The following UNC5B variants were observed in gnomAD, a reference collection of about 807,000 sequenced individuals.
UNC5B encodes the protein unc-5 netrin receptor B.
In UNC5B, 56 loss-of-function variants were observed where a neutral mutation model predicts 103.7. That is an observed-to-expected ratio of 0.54 (90% confidence interval 0.44 to 0.67). The LOEUF (loss-of-function observed/expected upper bound fraction) is 0.67, where lower values mean the gene tolerates loss of function less well. Ranked by LOEUF, UNC5B falls within the 30% of genes least tolerant of loss-of-function variation. UNC5B has a pLI of 0.00. For synonymous variants in UNC5B, 577 were observed against 542.0 expected, an observed-to-expected ratio of 1.06 and a Z score of -0.90; for missense variants, 1,194 against 1,284.5, an observed-to-expected ratio of 0.93 and a Z score of 1.08.
At chr10:71,215,322 C>A (rs560187035) in intron 1 of UNC5B, among the ~76,000 whole-genome samples, 128 of 152,294 alleles carry the variant, frequency 8.4e-4, no homozygotes, top group African/African-American at 3.0e-3. Context: ...AGCAGACCCT[C>A]CCTCCTATTC....
intron 1 of UNC5B, among the ~76,000 whole-genome samples, chr10:71,216,802 CTT>C (rs140272889): frequency 0.056 from 8,473 of 152,208 alleles, 313 homozygotes; most frequent in Non-Finnish European, 0.076. Flanking sequence ...CTGCCTAAGA[CTT>C]TGGGGATGGG....
In UNC5B at chr10:71,216,969, G is replaced by T. The variant is rs1042403981; in HGVS notation, c.79+3905G>T. On this transcript the variant is annotated intron_variant, in intron 1 of 16. Coordinates refer to ENST00000335350, the MANE Select transcript of UNC5B (RefSeq NM_170744.5). ...TTGGGTGGAAAGGAGACAGTTTGGA[G>T]GCCACTGCCGCCTTCAGGAAAGGGC... Among the ~76,000 whole-genome samples the T allele has an allele frequency of 2.0e-5, 3 of 152,386 alleles. No individual in the cohort carries two copies. In the East Asian group the frequency reaches 5.8e-4, roughly 29 times the overall value.
In UNC5B at chr10:71,291,831, TGCCCTGCTTGTGCGTCA is replaced by T; in HGVS notation, c.1684+14_1684+30del. ...AGCATCCCCGGCACAGGTGAGCCCC[TGCCCTGCTTGTGCGTCA>T]GCCTGGCCTTAGCACCTCCTCTGTG... On this transcript the variant is annotated intron_variant, in intron 10 of 16. Transcript: ENST00000335350. 1 of 1,579,610 alleles carries T rather than the reference TGCCCTGCTTGTGCGTCA, an allele frequency of 6.3e-7. No individual in the cohort carries two copies. The highest frequency in any genetic ancestry group is 1.1e-5 in the South Asian group (1 of 87,092).
chr10:71,266,991 G>C (rs1844538332), intron 1 of UNC5B, among the ~76,000 whole-genome samples: 2 of 151,970 alleles, frequency 1.3e-5, no homozygotes, highest in South Asian at 4.1e-4. Flanking sequence ...CTCAGTGGCT[G>C]TCTCCATTAT....
Position 71,213,601 on chromosome 10 carries a change from G to A in UNC5B, c.79+537G>A, listed in dbSNP as rs2132230673. On this transcript the variant is annotated intron_variant, in intron 1 of 16. Coordinates refer to ENST00000335350, the MANE Select transcript of UNC5B (RefSeq NM_170744.5). This position sits in a 1 kb window ranked among gnomAD's most constrained non-coding sequence, Gnocchi z 4.1. ...TAGCCTCGGCAGGCCGGCTTGCAGGGCTCCTGAAGCGGGGAGGGCTAAGTC... is the reference window on the plus strand; with the variant it reads ...TAGCCTCGGCAGGCCGGCTTGCAGGACTCCTGAAGCGGGGAGGGCTAAGTC... Among the ~76,000 whole-genome samples the A allele has an allele frequency of 6.6e-6, 1 of 152,160 alleles. No homozygotes were observed. The highest frequency in any genetic ancestry group is 1.9e-4 in the East Asian group (1 of 5,174).
At chr10:71,278,156 T>C (rs1299472275) in intron 1 of UNC5B, among the ~76,000 whole-genome samples, 2 of 152,220 alleles carry the variant, frequency 1.3e-5, no homozygotes, top group Non-Finnish European at 2.9e-5. Context: ...CCTTACAGGG[T>C]TGGTGCCAGA....
intron 1 of UNC5B, among the ~76,000 whole-genome samples, chr10:71,227,699 C>CACATATATATAT (rs1564707089): frequency 9.7e-5 from 12 of 123,406 alleles, no homozygotes; most frequent in South Asian, 4.9e-4. Flanking sequence ...CATATATATA[C>CACATATATATAT]ACACATATAC....
At chr10:71,290,750 C>CA (rs1183926599) in intron 8 of UNC5B, among the ~76,000 whole-genome samples, 165 bp from the exon 9 acceptor site, 1 of 152,224 alleles carries the variant, frequency 6.6e-6, no homozygotes, top group Non-Finnish European at 1.5e-5. Flanking sequence ...TAGAGAGGTT[C>CA]AAGGCTAGCC....
chr10:71,290,417 T>C lies in UNC5B; in HGVS notation c.1100-498T>C, dbSNP rs12241714. ...TTCCACTTCTTCAGCTCCCCGTCCC[T>C]CCACTTCCCACCCTCAGAGCATGGA... On this transcript the variant is annotated intron_variant, in intron 8 of 16. Transcript: ENST00000335350. Among the ~76,000 whole-genome samples, 177 of 152,234 alleles carry C rather than the reference T, an allele frequency of 1.2e-3. 1 individual carries two copies. Among genetic ancestry groups the C allele is most frequent in the African/African-American group, 4.2e-3 (176 of 41,532 alleles).
At chr10:71,276,244 G>C (rs533278338) in intron 1 of UNC5B, among the ~76,000 whole-genome samples, 2 of 151,902 alleles carry the variant, frequency 1.3e-5, no homozygotes, top group African/African-American at 4.8e-5. Flanking sequence ...GGTTATTATG[G>C]AGCTCATTGA....
At chr10:71,287,214 C>T (rs1659525160) in intron 5 of UNC5B, among the ~76,000 whole-genome samples, 1 of 152,126 alleles carries the variant, frequency 6.6e-6, no homozygotes, top group Non-Finnish European at 1.5e-5. Flanking sequence ...CCCCTTGGGC[C>T]CTATGGGTGG....
intron 1 of UNC5B, among the ~76,000 whole-genome samples, chr10:71,252,754 C>G (rs1844201988): frequency 1.3e-5 from 2 of 152,170 alleles, no homozygotes; most frequent in South Asian, 4.1e-4. Flanking sequence ...TGTGAGACGG[C>G]ACCTGCAAGG....
At chr10:71,282,309 G>A (rs141697490) in intron 2 of UNC5B, among the ~76,000 whole-genome samples, 62 of 152,330 alleles carry the variant, frequency 4.1e-4, no homozygotes, top group African/African-American at 1.3e-3. Flanking sequence ...ATTGGGGCAG[G>A]CAGCCCAACC....
At chr10:71,251,370 T>C (rs1382998832) in intron 1 of UNC5B, among the ~76,000 whole-genome samples, 1 of 152,170 alleles carries the variant, frequency 6.6e-6, no homozygotes, top group African/African-American at 2.4e-5. Flanking sequence ...CTTTCACCTT[T>C]TGATATAGTA....
intron 3 of UNC5B, 131 bp downstream of exon 3, chr10:71,284,994 C>A: frequency 7.5e-7 from 1 of 1,332,628 alleles, no homozygotes; most frequent in Non-Finnish European, 1.0e-6. Flanking sequence ...GCAGAGACAT[C>A]CCAGCACATG....
At chr10:71,237,187 G>A (rs558569368) in intron 1 of UNC5B, among the ~76,000 whole-genome samples, 7 of 152,194 alleles carry the variant, frequency 4.6e-5, no homozygotes, top group South Asian at 4.1e-4. Flanking sequence ...CCAAGTGCAC[G>A]TTCCCTAATG....
chr10:71,267,906 A>G (rs1408818438), intron 1 of UNC5B, among the ~76,000 whole-genome samples: 3 of 152,224 alleles, frequency 2.0e-5, no homozygotes, highest in Admixed American at 6.5e-5. Flanking sequence ...CAGGATGCCC[A>G]CATTCCAGTC....
chr10:71,227,463 A>G (rs141640418), intron 1 of UNC5B, among the ~76,000 whole-genome samples: 2,051 of 152,092 alleles, frequency 0.013, 48 homozygotes, highest in African/African-American at 0.047. Context: ...CATTGGGTAC[A>G]GTGTGCATTG....
At chr10:71,244,604 G>T (rs1589161632) in intron 1 of UNC5B, among the ~76,000 whole-genome samples, 2 of 152,200 alleles carry the variant, frequency 1.3e-5, no homozygotes, top group East Asian at 3.9e-4. Context: ...GGAGCAGGTG[G>T]AAGGAAAACA....
Sources: allele counts gnomAD v4.1 joint callset (sites outside exome capture counted in the v4.1 genomes callset), GRCh38; gene constraint gnomAD v4.1.1; non-coding constraint Gnocchi (gnomAD v3.1); transcripts MANE v1.5; gene names NCBI Gene and HGNC (gene_info 2026-07-23, HGNC 2026-07-21).